ADGRL3: variants seen among roughly 807,000 people sequenced by gnomAD.
ADGRL3 encodes adhesion G protein-coupled receptor L3, also known as calcium-independent alpha-latrotoxin receptor 3.
ADGRL3 carries 62 observed loss-of-function variants against 153.5 expected under a neutral mutation model. The ratio of observed to expected loss-of-function variants is 0.40; its 90% CI spans 0.33 to 0.50. ADGRL3 has a LOEUF of 0.50. Ranked by LOEUF, ADGRL3 falls within the 20% of genes least tolerant of loss-of-function variation. The pLI is 0.47. For synonymous variants in ADGRL3, 710 were observed against 672.5 expected (o/e 1.06, Z -0.86); for missense variants, 1,641 against 1,859.4 (o/e 0.88, Z 2.16).
At chr4:61,679,349 G>T (rs1433262072) in intron 6 of ADGRL3, among the ~76,000 whole-genome samples, 1 of 152,022 alleles carries the variant, frequency 6.6e-6, no homozygotes, top group Non-Finnish European at 1.5e-5. Flanking sequence ...ATTTCAACAT[G>T]AGATTTGGAG....
At chr4:61,505,486 C>G (rs888366451) in intron 3 of ADGRL3, among the ~76,000 whole-genome samples, 24 of 151,962 alleles carry the variant, frequency 1.6e-4, no homozygotes, top group African/African-American at 5.8e-4. Flanking sequence ...AACAGCAAGG[C>G]AATTCATTGA....
chr4:61,818,684 T>C (rs1433420083), intron 9 of ADGRL3, among the ~76,000 whole-genome samples: 1 of 152,150 alleles, frequency 6.6e-6, no homozygotes, highest in Non-Finnish European at 1.5e-5. Context: ...TTCTGCTTGA[T>C]ATCTACCTCA....
intron 13 of ADGRL3, among the ~76,000 whole-genome samples, chr4:61,932,540 A>G (rs991068320): frequency 2.0e-5 from 3 of 152,118 alleles, no homozygotes; most frequent in Non-Finnish European, 2.9e-5. Context: ...ATCATGGTTT[A>G]TAATTTTTTT....
At chr4:61,853,305 G>A (rs1261747002) in intron 9 of ADGRL3, among the ~76,000 whole-genome samples, 3 of 152,230 alleles carry the variant, frequency 2.0e-5, no homozygotes, top group Non-Finnish European at 4.4e-5. Flanking sequence ...TGAAATTCTA[G>A]GGTTTTAGGA....
At chr4:61,663,166 C>G (rs567304809) in intron 5 of ADGRL3, among the ~76,000 whole-genome samples, 9 of 152,166 alleles carry the variant, frequency 5.9e-5, no homozygotes, top group Non-Finnish European at 1.2e-4. Flanking sequence ...GGCTGAAAGA[C>G]ACTCCTTGCT....
intron 12 of ADGRL3, 99 bp from the exon 13 acceptor site, chr4:61,912,620 G>A: frequency 1.0e-6 from 1 of 989,692 alleles, no homozygotes; most frequent in Non-Finnish European, 1.6e-6. Flanking sequence ...ACAAAATAAG[G>A]TGTTTTGTGT....
intron 8 of ADGRL3, among the ~76,000 whole-genome samples, chr4:61,787,126 C>A (rs2152414527): frequency 6.6e-6 from 1 of 152,198 alleles, no homozygotes. Context: ...TAAAAGGATT[C>A]CTCTTATATT....
chr4:61,312,587 G>T (rs1254892460), intron 1 of ADGRL3, among the ~76,000 whole-genome samples: 1 of 151,916 alleles, frequency 6.6e-6, no homozygotes, highest in Non-Finnish European at 1.5e-5. Flanking sequence ...GCAAAAGACT[G>T]GAATTTACAA....
chr4:61,607,606 C>G (rs1293157746), intron 5 of ADGRL3, among the ~76,000 whole-genome samples: 1 of 151,814 alleles, frequency 6.6e-6, no homozygotes, highest in East Asian at 1.9e-4. Flanking sequence ...AACAAACAAA[C>G]AAACAAACAA....
At chr4:61,843,631 T>G (rs2098067995) in intron 9 of ADGRL3, among the ~76,000 whole-genome samples, 1 of 152,126 alleles carries the variant, frequency 6.6e-6, no homozygotes. Context: ...AGAAAAAAAA[T>G]TATCCTTTTA....
At chr4:61,227,756 T>G (rs541439426) in intron 1 of ADGRL3, among the ~76,000 whole-genome samples, 3 of 152,326 alleles carry the variant, frequency 2.0e-5, no homozygotes, top group African/African-American at 7.2e-5. Flanking sequence ...GCCATTATTG[T>G]TAAACACAGT....
rs1380643926 is a variant in ADGRL3, at chr4:62,073,069, A to G, written c.*2161A>G. The stretch of plus-strand genomic sequence containing the variant: ...CCCTGTTAGGGCAAAGCTAAAAGGA[A>G]CCTGCCAAATTATAATTTCTCCTGT... On this transcript the variant is annotated 3_prime_UTR_variant, in exon 27 of 27. Transcript: ENST00000683033. 2.0e-5 allele frequency: 3 copies of G among 152,068 alleles called. No individual in the cohort carries two copies. The highest frequency in any genetic ancestry group is 7.2e-5 in the African/African-American group (3 of 41,412). 9.4% of individuals were successfully genotyped at this position (152,068 alleles called of 1,614,324 possible). A position where few individuals can be genotyped will look rare whatever the true frequency, so the allele number is the denominator to read the frequency against.
In ADGRL3 at chr4:61,998,165, G is replaced by T. The variant is rs369379598; in HGVS notation, c.3304-9G>T. 2 of 1,484,826 alleles carry T rather than the reference G, an allele frequency of 1.3e-6. No homozygotes were observed. Among genetic ancestry groups the T allele is most frequent in the Non-Finnish European group, 9.2e-7 (1 of 1,089,970 alleles). The allele number at this position is 1,484,826 out of a possible 1,614,324, so 92.0% of individuals were successfully genotyped here. ...ATTATGCTACATAACACTACCTTTT[G>T]CATTCCAGCTTAATGTAATCTTCCT... On this transcript the variant is annotated splice_polypyrimidine_tract_variant and intron_variant, in intron 20 of 26. Transcript: ENST00000683033.
At chr4:61,630,443 TG>T (rs2093091531) in intron 5 of ADGRL3, among the ~76,000 whole-genome samples, 1 of 152,238 alleles carries the variant, frequency 6.6e-6, no homozygotes, top group Non-Finnish European at 1.5e-5. Flanking sequence ...CATGTTGTCC[TG>T]GGACAAAAAC....
chr4:61,717,990 G>A (rs894836551), intron 6 of ADGRL3, among the ~76,000 whole-genome samples: 4 of 151,904 alleles, frequency 2.6e-5, no homozygotes, highest in Non-Finnish European at 5.9e-5. Context: ...CCTGAGATCA[G>A]GCCACTGCAC....
intron 1 of ADGRL3, among the ~76,000 whole-genome samples, chr4:61,346,586 A>T (rs1158059636): frequency 6.7e-6 from 1 of 149,104 alleles, no homozygotes; most frequent in Non-Finnish European, 1.5e-5. Context: ...CAACATAGCA[A>T]GACACTGTCT....
At chr4:61,953,335 A>G (rs984772674) in intron 17 of ADGRL3, among the ~76,000 whole-genome samples, 24 of 152,192 alleles carry the variant, frequency 1.6e-4, no homozygotes, top group African/African-American at 5.5e-4. Context: ...CTTGATAGCT[A>G]TTGGCATCAA....
chr4:61,228,198 G>C lies in ADGRL3; in HGVS notation c.-240+26433G>C, dbSNP rs536935323. 7.8e-3 allele frequency among the ~76,000 whole-genome samples: 1,189 copies of C among 152,156 alleles called. 9 individuals are homozygous for C. Among genetic ancestry groups the C allele is most frequent in the Non-Finnish European group, 0.014 (943 of 68,008 alleles). On this transcript the variant is annotated intron_variant, in intron 1 of 26. Transcript: ENST00000683033. The stretch of plus-strand genomic sequence containing the variant: ...ATTAATTGACTTTTTAAAAAGTAAT[G>C]ACAGAATTTTGACAAGCCTCTGATG...
At position 62,006,628 on chromosome 4, in the gene ADGRL3, G is replaced by A. The variant is rs145480387; in HGVS notation, c.3395+8363G>A. Among the ~76,000 whole-genome samples, 22 of 128,682 alleles carry A rather than the reference G, an allele frequency of 1.7e-4. 1 individual carries two copies. The highest frequency in any genetic ancestry group is 6.1e-4 in the African/African-American group (21 of 34,394). 84.4% of individuals were successfully genotyped at this position (128,682 alleles called of 152,430 possible). A position where few individuals can be genotyped will look rare whatever the true frequency, so the allele number is the denominator to read the frequency against. ...TGTTACTTATGTTTTATTTATTTTT[G>A]GTATTGGTTTCACTTTATATATCTA... On this transcript the variant is annotated intron_variant, in intron 21 of 26. Coordinates refer to ENST00000683033, the MANE Select transcript of ADGRL3 (RefSeq NM_001387552.1).
Sources: allele counts gnomAD v4.1 joint callset (sites outside exome capture counted in the v4.1 genomes callset), GRCh38; gene constraint gnomAD v4.1.1; transcripts MANE v1.5; gene names NCBI Gene and HGNC (gene_info 2026-07-23, HGNC 2026-07-21).